The following SIRT3 variants were observed in gnomAD, a reference collection of about 807,000 sequenced individuals.
SIRT3 encodes NAD-dependent protein deacetylase sirtuin-3, mitochondrial.
In SIRT3, 26 loss-of-function variants were observed where a neutral mutation model predicts 33.5. The ratio of observed to expected loss-of-function variants is 0.78; its 90% CI spans 0.57 to 1.08. The LOEUF (loss-of-function observed/expected upper bound fraction) is 1.08, where lower values mean the gene tolerates loss of function less well. Among genes scored for constraint, SIRT3 ranks in the 50% least tolerant of loss-of-function variants. SIRT3 has a pLI of 0.00. For synonymous variants in SIRT3, 237 were observed against 222.1 expected (o/e 1.07, Z -0.60); for missense variants, 585 against 530.1 (o/e 1.10, Z -1.02).
intron 3 of SIRT3, among the ~76,000 whole-genome samples, chr11:231,116 T>G (rs1857925951): frequency 8.8e-6 from 1 of 113,594 alleles, no homozygotes; most frequent in African/African-American, 3.4e-5. Context: ...GAGAGCGAGA[T>G]TCTGTCTCAA....
At chr11:228,722 A>G (rs1053374427) in intron 4 of SIRT3, among the ~76,000 whole-genome samples, 1 of 152,094 alleles carries the variant, frequency 6.6e-6, no homozygotes, top group African/African-American at 2.4e-5. Flanking sequence ...AGAGTGAGAA[A>G]ATAAATAGAC....
intron 4 of SIRT3, among the ~76,000 whole-genome samples, chr11:228,755 A>C (rs1392419756): frequency 6.6e-6 from 1 of 151,666 alleles, no homozygotes; most frequent in Non-Finnish European, 1.5e-5. Context: ...ATCAAAATCA[A>C]AACTTCTATG....
At chr11:219,401 G>C (rs927833480) in intron 5 of SIRT3, among the ~76,000 whole-genome samples, 1 of 152,164 alleles carries the variant, frequency 6.6e-6, no homozygotes, top group African/African-American at 2.4e-5. Context: ...GCATGACGCA[G>C]AGGGACAACA....
chr11:236,408 C>T, upstream of SIRT3: 3 of 999,904 alleles, frequency 3.0e-6, no homozygotes, highest in Admixed American at 5.5e-5. Context: ...CACCCCCGCC[C>T]CCGGCGCCCC....
chr11:219,678 T>C (rs1363251112), intron 5 of SIRT3, among the ~76,000 whole-genome samples: 1 of 139,998 alleles, frequency 7.1e-6, no homozygotes, highest in Non-Finnish European at 1.5e-5. Flanking sequence ...GGGAGGAAAA[T>C]ACTCCATTCC....
intron 4 of SIRT3, 22 bp from the exon 5 acceptor site, chr11:224,261 C>T (rs1856854743): frequency 6.2e-7 from 1 of 1,610,862 alleles, no homozygotes; most frequent in African/African-American, 1.3e-5. Flanking sequence ...AGAAAACAGG[C>T]CTGAGGAAGA....
At chr11:231,455 C>A (rs903774032) in intron 3 of SIRT3, among the ~76,000 whole-genome samples, 1 of 152,156 alleles carries the variant, frequency 6.6e-6, no homozygotes, top group Non-Finnish European at 1.5e-5. Context: ...TATCTAATAT[C>A]CAGGAACATA....
rs1859111702 is a variant in SIRT3 at position 236,319 on chromosome 11, A to G, written c.10T>C (p.Trp4Arg). 1.3e-6 allele frequency: 2 copies of G among 1,506,344 alleles called. No homozygotes were observed. The highest frequency in any genetic ancestry group is 1.2e-5 in the South Asian group (1 of 80,144). The allele number at this position is 1,506,344 out of a possible 1,614,324, so 93.3% of individuals were successfully genotyped here. A position where few individuals can be genotyped will look rare whatever the true frequency, so the allele number is the denominator to read the frequency against. ...AGGGCTGCCGCGGCGCGCCAACCCC[A>G]GAACGCCATGTTCCGCGCAGTCCAA... MAF[W>R]GWRAAAALRL... The change falls in exon 1 of 7, where the codon TGG becomes CGG. Residue 4 changes from tryptophan to arginine, a missense_variant. Physicochemically the swap from Trp to Arg is moderately radical, Grantham distance 101 (BLOSUM62 -3). Coordinates refer to ENST00000382743, the MANE Select transcript of SIRT3 (RefSeq NM_012239.6).
At chr11:232,798 A>G (rs1393021877) in intron 3 of SIRT3, among the ~76,000 whole-genome samples, 185 bp downstream of exon 3, 1 of 152,166 alleles carries the variant, frequency 6.6e-6, no homozygotes, top group African/African-American at 2.4e-5. Flanking sequence ...TTGGGAACAA[A>G]GCCCTAACTA....
In SIRT3 at chr11:216,734, C is replaced by T; in HGVS notation, c.1180-16G>A. On this transcript the variant is annotated splice_polypyrimidine_tract_variant and intron_variant, in intron 6 of 6. Transcript: ENST00000382743. ...GTCCATCAAGCTGGAATACAGAAGACAGAGGGTATCAGCTATCTGTTTACA... is the reference window on the plus strand; with the variant it reads ...GTCCATCAAGCTGGAATACAGAAGATAGAGGGTATCAGCTATCTGTTTACA... The T allele has an allele frequency of 6.2e-7, 1 of 1,614,074 alleles. No individual in the cohort carries two copies. Among genetic ancestry groups the T allele is most frequent in the African/African-American group, 1.3e-5 (1 of 75,070 alleles).
rs542641 is a variant in SIRT3, at chr11:233,301, G to A, written c.473+42C>T. 4.7e-3 allele frequency: 7,508 copies of A among 1,603,396 alleles called. 304 individuals carry two copies. The African/African-American group carries it at 0.086, about 18-fold the overall frequency. On this transcript the variant is annotated intron_variant, in intron 2 of 6. Coordinates refer to ENST00000382743, the MANE Select transcript of SIRT3 (RefSeq NM_012239.6). ...TGGGCAGTGGGGAGGGCAGGAGTCA[G>A]GGGAGGGGAGCGCAGAAGGCAGGTG...
intron 3 of SIRT3, among the ~76,000 whole-genome samples, chr11:231,111 C>A (rs973523901): frequency 2.3e-5 from 3 of 129,264 alleles, no homozygotes; most frequent in African/African-American, 9.0e-5. Flanking sequence ...GGTAAGAGAG[C>A]GAGATTCTGT....
intron 5 of SIRT3, among the ~76,000 whole-genome samples, chr11:220,330 CAAAAAA>C (rs55855156): frequency 2.3e-5 from 2 of 87,026 alleles, no homozygotes; most frequent in East Asian, 3.1e-4. Flanking sequence ...GACTCTGTCT[CAAAAAA>C]AAAAAAAAAA....
intron 4 of SIRT3, among the ~76,000 whole-genome samples, chr11:225,097 C>CAA (rs11385996): frequency 6.8e-5 from 10 of 147,654 alleles, no homozygotes; most frequent in South Asian, 2.1e-4. Context: ...ATTAAGGAAG[C>CAA]AAAAAAAAAA....
At chr11:232,272 C>T (rs572885462) in intron 3 of SIRT3, among the ~76,000 whole-genome samples, 1 of 152,106 alleles carries the variant, frequency 6.6e-6, no homozygotes, top group Non-Finnish European at 1.5e-5. Context: ...CACACACCAC[C>T]ACGCCTGGCT....
intron 1 of SIRT3, among the ~76,000 whole-genome samples, chr11:235,138 A>C (rs1274805688): frequency 6.6e-6 from 1 of 151,746 alleles, no homozygotes; most frequent in African/African-American, 2.4e-5. Flanking sequence ...ATCCTCCCAA[A>C]GTGCTGGGAT....
intron 5 of SIRT3, 31 bp from the exon 6 acceptor site, chr11:219,072 G>A (rs370703132): frequency 6.3e-7 from 1 of 1,583,352 alleles, no homozygotes; most frequent in Non-Finnish European, 8.6e-7. Context: ...GAGGGGCACA[G>A]TGTCCACTTT....
chr11:233,175 C>A lies in SIRT3; in HGVS notation c.514G>T (p.Asp172Tyr). The A allele has an allele frequency of 6.2e-7, 1 of 1,614,040 alleles. No homozygotes were observed. The highest frequency in any genetic ancestry group is 1.6e-4 in the Middle Eastern group (1 of 6,062). ...SGLYSNLQQYDLPYPEAIFEL... is the reference protein window; with the variant it reads ...SGLYSNLQQYYLPYPEAIFEL... ...AAAATGGCCTCGGGGTACGGGAGAT[C>A]GTACTGCTGGAGGTTGCTGTACAGG... The change falls in exon 3 of 7, where the codon GAT becomes TAT. Residue 172 changes from aspartate to tyrosine, a missense_variant. Asp to Tyr is a radical substitution (Grantham distance 160). Coordinates refer to ENST00000382743, the MANE Select transcript of SIRT3 (RefSeq NM_012239.6).
intron 4 of SIRT3, among the ~76,000 whole-genome samples, 194 bp downstream of exon 4, chr11:230,258 T>C (rs953287711): frequency 1.3e-5 from 2 of 151,432 alleles, no homozygotes; most frequent in Non-Finnish European, 2.9e-5. Flanking sequence ...TGAAGGGAGA[T>C]TCATTTTCCC....
Sources: allele counts gnomAD v4.1 joint callset (sites outside exome capture counted in the v4.1 genomes callset), GRCh38; gene constraint gnomAD v4.1.1; transcripts MANE v1.5; gene names NCBI Gene and HGNC (gene_info 2026-07-23, HGNC 2026-07-21).